The following KMT2D variants were observed in gnomAD, a reference collection of about 807,000 sequenced individuals.
KMT2D encodes the protein histone-lysine N-methyltransferase 2D.
In KMT2D, 55 loss-of-function variants were observed where a neutral mutation model predicts 512.7. That is an observed-to-expected ratio of 0.11 (90% CI 0.09 to 0.13). KMT2D has a LOEUF of 0.13. Among genes scored for constraint, KMT2D ranks in the 10% least tolerant of loss-of-function variants. The pLI is 1.00. For missense variants in KMT2D, 6,061 were observed against 7,127.9 expected, an observed-to-expected ratio of 0.85 and a Z score of 5.39; for synonymous variants, 2,995 against 2,904.0, an observed-to-expected ratio of 1.03 and a Z score of -1.01.
chr12:49,034,696 T>A (rs778120122), intron 36 of KMT2D, 30 bp from the exon 37 acceptor site: 1 of 1,605,906 alleles, frequency 6.2e-7, no homozygotes, highest in Non-Finnish European at 8.5e-7. Flanking sequence ...AGAAGATAAG[T>A]GTTGGCAATA....
In KMT2D at chr12:49,031,240, C is replaced by T. The variant is rs200574556; in HGVS notation, c.13465G>A (p.Gly4489Arg). The change falls in exon 40 of 55, where the codon GGG becomes AGG. Residue 4489 changes from glycine to arginine, a missense_variant. Gly to Arg is a moderately radical substitution (Grantham distance 125). This residue lies in a region of KMT2D where 1,600 missense variants were observed against 1,754.9 expected (regional missense o/e 0.91). Transcript: ENST00000301067. Reference protein sequence around the residue: ...GSEGLRAEINGHIDSKLAGLE... With the variant: ...GSEGLRAEINRHIDSKLAGLE... ...CCAGCCAGCTTGCTGTCAATGTGCC[C>T]GTTGATCTCAGCTCGCAGCCCCTCG... is the stretch of plus-strand genomic sequence containing the variant. 38 of 1,612,986 alleles carry T rather than the reference C, an allele frequency of 2.4e-5. No individual in the cohort carries two copies. The Admixed American group carries it at 2.8e-4, about 12-fold the overall frequency.
rs2120576542 is a variant in KMT2D, at chr12:49,043,974, T to C, written c.5213A>G (p.Glu1738Gly). The change falls in exon 23 of 55, where the codon GAG becomes GGG. Residue 1738 changes from glutamate to glycine, a missense_variant. Glu to Gly is a moderately conservative substitution (Grantham distance 98). Coordinates refer to ENST00000301067, the MANE Select transcript of KMT2D (RefSeq NM_003482.4). ...DEVIPADLPA[E>G]GAVEQSLAEG... ...AGCTAAGCTCTGCTCCACGGCGCCC[T>C]CTGCAGGCAGGTCAGCAGGTATCAC... 1 of 1,613,998 alleles carries C rather than the reference T, an allele frequency of 6.2e-7. No individual in the cohort carries two copies. The highest frequency in any genetic ancestry group is 8.5e-7 in the Non-Finnish European group (1 of 1,179,886).
Position 49,033,352 on chromosome 12 carries a change from G to A in KMT2D, c.11353C>T (p.Leu3785Phe). 6.3e-7 allele frequency: 1 copy of A among 1,588,856 alleles called. No homozygotes were observed. Among genetic ancestry groups the A allele is most frequent in the Non-Finnish European group, 8.6e-7 (1 of 1,167,802 alleles). ...GLMPPSSHQGLLVQQLSPQPP... is the reference protein window; with the variant it reads ...GLMPPSSHQGFLVQQLSPQPP... Reference sequence around the variant, plus strand: ...TGAGGGGACAGCTGCTGGACCAGGAGGCCTTGGTGGCTGCTGGGAGGCATA... The same window carrying A: ...TGAGGGGACAGCTGCTGGACCAGGAAGCCTTGGTGGCTGCTGGGAGGCATA... Residue 3785 changes from leucine (L) to phenylalanine (F), a missense_variant, in exon 40 of 55, where the codon CTC (leucine) becomes TTC (phenylalanine). Physicochemically the swap from Leu to Phe is conservative, Grantham distance 22. Around this residue, in one of 16 missense-constraint regions of KMT2D, gnomAD observed 1,600 missense variants for 1,754.9 expected, o/e 0.91. Transcript: ENST00000301067.
intron 15 of KMT2D, among the ~76,000 whole-genome samples, 170 bp downstream of exon 15, chr12:49,047,795 C>T (rs1336254624): frequency 6.6e-6 from 1 of 152,156 alleles, no homozygotes; most frequent in African/African-American, 2.4e-5. Context: ...TCAAGTCCAC[C>T]GTTGAGTTCC....
In KMT2D at chr12:49,041,829, G is replaced by C. The variant is rs1943545929; in HGVS notation, c.6183+88C>G. ...CTTCTGGCCCAGCTGCTTTAGGAGT[G>C]GGGAGCGGAAAGAACTGAGGTAAAT... On this transcript the variant is annotated intron_variant, in intron 30 of 54. Coordinates refer to ENST00000301067, the MANE Select transcript of KMT2D (RefSeq NM_003482.4). This position sits in a 1 kb window ranked among gnomAD's most constrained non-coding sequence, Gnocchi z 5.4. The C allele has an allele frequency of 6.6e-7, 1 of 1,517,932 alleles. No individual in the cohort carries two copies. The highest frequency in any genetic ancestry group is 1.2e-5 in the South Asian group (1 of 84,008). The allele number at this position is 1,517,932 out of a possible 1,614,324, so 94.0% of individuals were successfully genotyped here.
At chr12:49,052,499 C>T in intron 10 of KMT2D, 65 bp downstream of exon 10, 1 of 1,579,420 alleles carries the variant, frequency 6.3e-7, no homozygotes, top group Non-Finnish European at 8.7e-7. Context: ...TGGGGCAATG[C>T]ACAAACTGTC....
At position 49,050,983 on chromosome 12, in the gene KMT2D, C is replaced by A. The variant is rs920841649; in HGVS notation, c.2700G>T (p.Leu900=). ...ACAGAGGTGGTTCCCCAGGCTCAGA[C>A]AGGGCTGGCTCTCCAAGCAAGGGAG... ...SLSPLLGEPA[L]SEPGEPPLSP... Residue 900 remains leucine (L), a synonymous_variant, in exon 11 of 55, where the codon CTG becomes CTT. Transcript: ENST00000301067. The A allele has an allele frequency of 2.0e-5, 31 of 1,566,300 alleles. No individual in the cohort carries two copies. The highest frequency in any genetic ancestry group is 2.7e-5 in the Non-Finnish European group (31 of 1,157,652).
rs2120367851 is a variant in KMT2D at position 49,027,102 on chromosome 12, G to A, written c.14864C>T (p.Ser4955Phe). 1.2e-6 allele frequency: 2 copies of A among 1,605,662 alleles called. No individual in the cohort carries two copies. Among genetic ancestry groups the A allele is most frequent in the South Asian group, 2.2e-5 (2 of 90,074 alleles). The part of the protein sequence containing the change: ...PVPSPLPLAS[S>F]PESARPKPRA... ...GGGCTTGGGTCGGGCTGATTCAGGG[G>A]ATGAGGCCAGTGGCAGAGGTGAGGG... The change falls in exon 49 of 55, where the codon TCC (serine) becomes TTC (phenylalanine). Residue 4955 changes from serine (S) to phenylalanine (F), a missense_variant. This residue lies in a region of KMT2D where 1,600 missense variants were observed against 1,754.9 expected (regional missense o/e 0.91). Transcript: ENST00000301067.
In KMT2D at chr12:49,028,159, G is replaced by C. The variant is rs1369879264; in HGVS notation, c.14383-18C>G. 1.2e-6 allele frequency: 2 copies of C among 1,613,668 alleles called. No individual in the cohort carries two copies. Among genetic ancestry groups the C allele is most frequent in the Non-Finnish European group, 1.7e-6 (2 of 1,179,810 alleles). ...TTCAGGTTCTGCCAGGGCCAGGGAAGGGATGGAAGAAACATATCAGCCAAG... is the reference window on the plus strand; with the variant it reads ...TTCAGGTTCTGCCAGGGCCAGGGAACGGATGGAAGAAACATATCAGCCAAG... On this transcript the variant is annotated intron_variant, in intron 46 of 54. Transcript: ENST00000301067.
intron 11 of KMT2D, 29 bp from the exon 12 acceptor site, chr12:49,050,819 C>G (rs1342076441): frequency 1.3e-6 from 2 of 1,585,060 alleles, no homozygotes; most frequent in East Asian, 4.5e-5. Context: ...AAGAAGGGCT[C>G]TTAGATTAGA....
In KMT2D at chr12:49,020,328, G is replaced by A. The variant is rs908438992; in HGVS notation, c.*1452C>T. ...GGGTGAGGAAAAGGGCGGTAGGTCG[G>A]GTAATGGAGGGGGCCCCCCCACAAG... is the stretch of plus-strand genomic sequence containing the variant. On this transcript the variant is annotated 3_prime_UTR_variant, in exon 55 of 55. Coordinates refer to ENST00000301067, the MANE Select transcript of KMT2D (RefSeq NM_003482.4). 5.7e-6 allele frequency: 1 copy of A among 176,266 alleles called. No individual in the cohort carries two copies. The highest frequency in any genetic ancestry group is 6.3e-5 in the Admixed American group (1 of 15,812). 10.9% of individuals were successfully genotyped at this position (176,266 alleles called of 1,614,324 possible). A position where few individuals can be genotyped will look rare whatever the true frequency, so the allele number is the denominator to read the frequency against.
Position 49,038,614 on chromosome 12 carries a change from G to A in KMT2D, c.8742C>T (p.His2914=), listed in dbSNP as rs745723928. The A allele has an allele frequency of 1.9e-6, 3 of 1,613,010 alleles. No homozygotes were observed. The highest frequency in any genetic ancestry group is 3.3e-5 in the Admixed American group (2 of 60,024). ...PRFYPVSEDP[H]RLAPEGLRGL... ...CCCGAAGCCCTTCAGGAGCCAGTCG[G>A]TGGGGGTCCTCACTTACAGGGTAAA... Residue 2914 remains histidine (H), a synonymous_variant, in exon 35 of 55, where the codon CAC becomes CAT. Transcript: ENST00000301067. This position sits in a 1 kb window ranked among gnomAD's most constrained non-coding sequence, Gnocchi z 5.7.
At position 49,034,390 on chromosome 12, in the gene KMT2D, C is replaced by T. The variant is rs1280377342; in HGVS notation, c.10507+20G>A. 3.7e-6 allele frequency: 6 copies of T among 1,613,626 alleles called. No homozygotes were observed. In the South Asian group the frequency reaches 4.4e-5, roughly 12 times the overall value. ...ACCCAAACCACTCCCCTGCACCTTC[C>T]TCCCACGCCCCATACTCACTGATCA... On this transcript the variant is annotated intron_variant, in intron 38 of 54. Transcript: ENST00000301067.
Position 49,049,191 on chromosome 12 carries a change from G to A in KMT2D, c.3934C>T (p.Arg1312Cys), listed in dbSNP as rs768072508. The A allele has an allele frequency of 8.7e-6, 14 of 1,606,822 alleles. No individual in the cohort carries two copies. Among genetic ancestry groups the A allele is most frequent in the African/African-American group, 2.7e-5 (2 of 74,836 alleles). Residue 1312 changes from arginine to cysteine, a missense_variant, in exon 13 of 55, where the codon CGC becomes TGC. Coordinates refer to ENST00000301067, the MANE Select transcript of KMT2D (RefSeq NM_003482.4). ...CCATGGGCTCCTCCACGAGGCCGGC[G>A]TCTTCCTGGGAAACTGCTGCTGCGA... Reference protein sequence around the residue: ...QGRSSSFPGRRRPRGGAHGGR... With the variant: ...QGRSSSFPGRCRPRGGAHGGR...
rs1379993777 is a variant in KMT2D at position 49,053,544 on chromosome 12, G to A, written c.771C>T (p.Asp257=). 1.4e-5 allele frequency: 22 copies of A among 1,602,094 alleles called. No individual in the cohort carries two copies. Among genetic ancestry groups the A allele is most frequent in the East Asian group, 2.3e-5 (1 of 44,282 alleles). ...CGHHYHGACL[D]TALTARKRAG... is the part of the protein sequence containing the mutation. ...CACGTTTGCGGGCAGTCAGAGCAGT[G>A]TCCAGGCAGGCCCCGTGATAGTGAT... is the stretch of plus-strand genomic sequence containing the variant. The change falls in exon 7 of 55, where the codon GAC becomes GAT. Residue 257 remains aspartate (D), a synonymous_variant. Transcript: ENST00000301067.
chr12:49,044,588 T>G lies in KMT2D; in HGVS notation c.4964-66A>C, dbSNP rs1943700050. ...ATAGGCCCTTTTAACCTTGTCATCCTGCCACTGAGAGAGCTGAATACCTTG... is the reference window on the plus strand; with the variant it reads ...ATAGGCCCTTTTAACCTTGTCATCCGGCCACTGAGAGAGCTGAATACCTTG... On this transcript the variant is annotated intron_variant, in intron 20 of 54. Transcript: ENST00000301067. This position sits in a 1 kb window ranked among gnomAD's most constrained non-coding sequence, Gnocchi z 6.4. 3 of 1,588,672 alleles carry G rather than the reference T, an allele frequency of 1.9e-6. No individual in the cohort carries two copies. Among genetic ancestry groups the G allele is most frequent in the Non-Finnish European group, 2.6e-6 (3 of 1,166,470 alleles).
chr12:49,031,119 C>G (rs899082688), intron 40 of KMT2D, 56 bp downstream of exon 40: 2 of 1,609,466 alleles, frequency 1.2e-6, no homozygotes, highest in Admixed American at 1.7e-5. Context: ...ACTCATTCTG[C>G]CCCCCGCTGG....
At position 49,027,943 on chromosome 12, in the gene KMT2D, G is replaced by A; in HGVS notation, c.14516-13C>T. On this transcript the variant is annotated splice_polypyrimidine_tract_variant and intron_variant, in intron 47 of 54. Transcript: ENST00000301067. ...TTTTCCTTCCCACCTGCAGAAAGGA[G>A]TGGATCAGAGCCTCCCACCAGAATC... The A allele has an allele frequency of 6.2e-7, 1 of 1,613,942 alleles. No homozygotes were observed. Among genetic ancestry groups the A allele is most frequent in the Non-Finnish European group, 8.5e-7 (1 of 1,179,834 alleles).
In KMT2D at chr12:49,049,533, C is replaced by T. The variant is rs1162278065; in HGVS notation, c.3906+149G>A. 28 of 859,202 alleles carry T rather than the reference C, an allele frequency of 3.3e-5. No homozygotes were observed. In the South Asian group the frequency reaches 3.9e-4, roughly 12 times the overall value. The allele number at this position is 859,202 out of a possible 1,614,324, so 53.2% of individuals were successfully genotyped here. On this transcript the variant is annotated intron_variant, in intron 12 of 54. Coordinates refer to ENST00000301067, the MANE Select transcript of KMT2D (RefSeq NM_003482.4). ...CTGGGCAAGTTACTTGTCCCTTCTA[C>T]GTATTAGTATTTTCTCCTTAATAAC... is the stretch of plus-strand genomic sequence containing the variant.
Sources: gnomAD v4.1 joint callset for allele counts (sites outside exome capture counted in the v4.1 genomes callset) on GRCh38, gnomAD v4.1.1 for gene constraint, gnomAD v4.1.1 regional missense constraint, Gnocchi (gnomAD v3.1) non-coding constraint, MANE v1.5 for transcripts, NCBI Gene and HGNC (gene_info 2026-07-23, HGNC 2026-07-21) for gene names.